Variants in PRSS12 observed in about 807,000 individuals in gnomAD.
PRSS12 encodes the protein neurotrypsin.
A neutral mutation model predicts 104.4 loss-of-function variants in PRSS12; 85 were observed. The observed-to-expected ratio is 0.81, with a 90% confidence interval of 0.68 to 0.98. The LOEUF (loss-of-function observed/expected upper bound fraction) is 0.98, where lower values mean the gene tolerates loss of function less well. Among genes scored for constraint, PRSS12 ranks in the 50% least tolerant of loss-of-function variants. The pLI is 0.00. For synonymous variants in PRSS12, 454 were observed against 425.2 expected (o/e 1.07, Z -0.83); for missense variants, 1,141 against 1,139.2 (o/e 1.00, Z -0.02).
At chr4:118,294,815 G>T in intron 11 of PRSS12, 124 bp downstream of exon 11, 1 of 1,352,078 alleles carries the variant, frequency 7.4e-7, no homozygotes, top group Non-Finnish European at 1.0e-6. Context: ...CCACAGGGCT[G>T]CTGGCACAAG....
At chr4:118,322,456 G>A (rs1023289144) in intron 4 of PRSS12, among the ~76,000 whole-genome samples, 2 of 151,802 alleles carry the variant, frequency 1.3e-5, no homozygotes, top group African/African-American at 4.8e-5. Flanking sequence ...TGCGGCAGGA[G>A]AATCACTCAA....
intron 4 of PRSS12, among the ~76,000 whole-genome samples, chr4:118,326,744 A>G (rs1405194722): frequency 6.6e-6 from 1 of 152,316 alleles, no homozygotes; most frequent in East Asian, 1.9e-4. Flanking sequence ...ATAAACCTCA[A>G]GACTCTGCCT....
chr4:118,350,085 G>T (rs1161981105), intron 1 of PRSS12, among the ~76,000 whole-genome samples: 1 of 152,148 alleles, frequency 6.6e-6, no homozygotes. Context: ...AACACAGAAT[G>T]AATGCACAGT....
intron 7 of PRSS12, 106 bp downstream of exon 7, chr4:118,313,095 C>T (rs1743795585): frequency 1.5e-6 from 2 of 1,311,432 alleles, no homozygotes; most frequent in Admixed American, 4.0e-5. Context: ...GGGAAATAGA[C>T]CCCAAAAAAA....
chr4:118,306,370 T>C (rs1560771522), intron 8 of PRSS12, among the ~76,000 whole-genome samples: 1 of 152,196 alleles, frequency 6.6e-6, no homozygotes, highest in Non-Finnish European at 1.5e-5. Flanking sequence ...GACTAGGTAA[T>C]TGATAAAGAA....
chr4:118,313,221 T>C lies in PRSS12; in HGVS notation c.1469A>G (p.Glu490Gly). The part of the protein sequence containing the change: ...DVSIACYPGG[E>G]GHRLSLGFPV... ...CTCACCCAGAGAGAGCCTGTGTCCC[T>C]CGCCGCCAGGGTAGCAGGCAATGCT... Residue 490 changes from glutamate (E) to glycine (G), a missense_variant, in exon 7 of 13, where the codon GAG becomes GGG. Coordinates refer to ENST00000296498, the MANE Select transcript of PRSS12 (RefSeq NM_003619.4). 6.2e-7 allele frequency: 1 copy of C among 1,613,636 alleles called. No homozygotes were observed. The highest frequency in any genetic ancestry group is 1.3e-5 in the African/African-American group (1 of 75,024).
chr4:118,323,756 C>A (rs1051576677), intron 4 of PRSS12, among the ~76,000 whole-genome samples: 2 of 151,046 alleles, frequency 1.3e-5, no homozygotes, highest in Non-Finnish European at 3.0e-5. Flanking sequence ...GAAACATTTG[C>A]AATTTGCAAA....
intron 7 of PRSS12, among the ~76,000 whole-genome samples, chr4:118,311,827 C>T (rs1049654114): frequency 2.0e-5 from 3 of 152,152 alleles, no homozygotes; most frequent in Non-Finnish European, 4.4e-5. Flanking sequence ...TTTAACAACA[C>T]AGGCCTACAG....
At chr4:118,322,998 T>C (rs1208337977) in intron 4 of PRSS12, among the ~76,000 whole-genome samples, 1 of 152,088 alleles carries the variant, frequency 6.6e-6, no homozygotes, top group Admixed American at 6.5e-5. Flanking sequence ...AAACCAAGTT[T>C]TATTGGAATG....
intron 1 of PRSS12, 66 bp downstream of exon 1, chr4:118,352,153 C>A: frequency 6.3e-7 from 1 of 1,594,542 alleles, no homozygotes. Context: ...GACCTGTACG[C>A]CGGCCCCAAG....
At chr4:118,323,099 C>T (rs1560778548) in intron 4 of PRSS12, among the ~76,000 whole-genome samples, 1 of 151,852 alleles carries the variant, frequency 6.6e-6, no homozygotes, top group Non-Finnish European at 1.5e-5. Context: ...TACTCTCTGG[C>T]CCTTTACAGA....
chr4:118,322,852 A>C (rs788652), intron 4 of PRSS12, among the ~76,000 whole-genome samples: 128,071 of 151,610 alleles, frequency 0.84, 55,917 homozygotes, highest in South Asian at 0.96. Flanking sequence ...GCACCAAATC[A>C]GGTATGCTAT....
At chr4:118,295,492 CT>C (rs1275742744) in intron 10 of PRSS12, among the ~76,000 whole-genome samples, 1 of 152,198 alleles carries the variant, frequency 6.6e-6, no homozygotes, top group Non-Finnish European at 1.5e-5. Context: ...TTAGATGAAT[CT>C]TTGTAGTTAC....
rs531361399 is a variant in PRSS12, at chr4:118,322,240, A to G, written c.972-3684T>C. On this transcript the variant is annotated intron_variant, in intron 4 of 12. Transcript: ENST00000296498. ...GTAGAAAAAATATCCTCTCCCAGAG[A>G]AAACATGTTCATAAAACACTTACTA... 1.4e-3 allele frequency among the ~76,000 whole-genome samples: 214 copies of G among 152,334 alleles called. 1 individual carries two copies. Among genetic ancestry groups the G allele is most frequent in the Non-Finnish European group, 1.1e-3 (74 of 68,032 alleles).
intron 6 of PRSS12, 28 bp from the exon 7 acceptor site, chr4:118,313,425 T>C (rs763556676): frequency 5.6e-6 from 9 of 1,609,278 alleles, no homozygotes; most frequent in South Asian, 2.2e-5. Flanking sequence ...ACACTGTGTA[T>C]AGAACTTCTG....
At chr4:118,319,356 C>G (rs1723546762) in intron 4 of PRSS12, among the ~76,000 whole-genome samples, 1 of 152,134 alleles carries the variant, frequency 6.6e-6, no homozygotes, top group Admixed American at 6.5e-5. Context: ...GTGTGAACCA[C>G]CGCACCCTGC....
chr4:118,306,811 T>A (rs756802595), intron 8 of PRSS12, among the ~76,000 whole-genome samples: 2 of 152,146 alleles, frequency 1.3e-5, no homozygotes, highest in African/African-American at 4.8e-5. Context: ...TACATGTGTG[T>A]TGATGATGCT....
rs1743615814 is a variant in PRSS12, at chr4:118,308,499, G to A, written c.1568C>T (p.Thr523Ile). The A allele has an allele frequency of 6.2e-7, 1 of 1,613,898 alleles. No individual in the cohort carries two copies. The highest frequency in any genetic ancestry group is 1.3e-5 in the African/African-American group (1 of 74,898). Residue 523 changes from threonine (T) to isoleucine (I), a missense_variant, in exon 8 of 13, where the codon ACA becomes ATA. Transcript: ENST00000296498. ...VEVFINGQWG[T>I]ICDDGWTDKD... is the part of the protein sequence containing the mutation. The stretch of plus-strand genomic sequence containing the variant: ...ATCAGTCCATCCATCATCACAGATT[G>A]TTCCCCACTGGCCATTGATAAAAAC...
chr4:118,298,961 CAT>C (rs1484514280), intron 8 of PRSS12, 23 bp from the exon 9 acceptor site: 1 of 1,609,796 alleles, frequency 6.2e-7, no homozygotes, highest in Admixed American at 1.7e-5. Flanking sequence ...CATTCTTAAT[CAT>C]GTGAAGAATC....
Sources: allele counts gnomAD v4.1 joint callset (sites outside exome capture counted in the v4.1 genomes callset), GRCh38; gene constraint gnomAD v4.1.1; transcripts MANE v1.5; gene names NCBI Gene and HGNC (gene_info 2026-07-23, HGNC 2026-07-21).